The following CNGA3 variants were observed in gnomAD, a reference collection of about 807,000 sequenced individuals.
The protein encoded by CNGA3 is cyclic nucleotide gated channel subunit alpha 3, also known as cyclic nucleotide-gated channel alpha-3.
A neutral mutation model predicts 46.6 loss-of-function variants in CNGA3; 42 were observed. That is an observed-to-expected ratio of 0.90 (90% CI 0.70 to 1.17). The LOEUF is 1.17. Among genes scored for constraint, CNGA3 ranks in the 50% most tolerant of loss-of-function variants. The pLI is 0.00. For synonymous variants in CNGA3, 394 were observed against 369.4 expected, an observed-to-expected ratio of 1.07 and a Z score of -0.76; for missense variants, 893 against 890.7, an observed-to-expected ratio of 1.00 and a Z score of -0.03.
At chr2:98,395,573 CTT>C (rs1158340818) in intron 7 of CNGA3, among the ~76,000 whole-genome samples, 1 of 152,060 alleles carries the variant, frequency 6.6e-6, no homozygotes, top group Non-Finnish European at 1.5e-5. Flanking sequence ...AATAATCATT[CTT>C]TGTTATCATG....
At position 98,397,269 on chromosome 2, in the gene CNGA3, G is replaced by C. The variant is rs1692945116; in HGVS notation, c.*14G>C. 1 of 1,612,594 alleles carries C rather than the reference G, an allele frequency of 6.2e-7. No individual in the cohort carries two copies. Among genetic ancestry groups the C allele is most frequent in the Non-Finnish European group, 8.5e-7 (1 of 1,179,596 alleles). On this transcript the variant is annotated 3_prime_UTR_variant, in exon 8 of 8. Coordinates refer to ENST00000272602, the MANE Select transcript of CNGA3 (RefSeq NM_001298.3). ...AAACAACAGTGAAAATGCAGCATCTGTCTCCTGCTTCACAGGGTCGACTGT... is the reference window on the plus strand; with the variant it reads ...AAACAACAGTGAAAATGCAGCATCTCTCTCCTGCTTCACAGGGTCGACTGT...
rs1009840222 is a variant in CNGA3 at position 98,398,247 on chromosome 2, C to T, written c.*992C>T. On this transcript the variant is annotated 3_prime_UTR_variant, in exon 8 of 8. Transcript: ENST00000272602. The stretch of plus-strand genomic sequence containing the variant: ...TCCCAAGGCAAAGCTTTTGGCTCAC[C>T]GAAAGCTCACAGATTGCAGAAATTA... The T allele has an allele frequency of 5.3e-5, 8 of 152,044 alleles. No individual in the cohort carries two copies. The highest frequency in any genetic ancestry group is 2.1e-4 in the South Asian group (1 of 4,816). 9.4% of individuals were successfully genotyped at this position (152,044 alleles called of 1,614,324 possible).
intron 5 of CNGA3, among the ~76,000 whole-genome samples, chr2:98,386,502 C>A (rs546063695): frequency 6.6e-6 from 1 of 152,370 alleles, no homozygotes; most frequent in South Asian, 2.1e-4. Context: ...TGTGACTTTG[C>A]TCCTCATCTG....
intron 4 of CNGA3, 57 bp downstream of exon 4, chr2:98,380,411 C>T (rs1362509283): frequency 1.9e-6 from 3 of 1,571,636 alleles, no homozygotes; most frequent in Admixed American, 1.9e-5. Flanking sequence ...AGGCAGGAAG[C>T]CTGTGCTTTG....
intron 1 of CNGA3, chr2:98,355,867 C>T (rs572476581): frequency 6.6e-6 from 1 of 152,314 alleles, no homozygotes; most frequent in South Asian, 2.1e-4. Context: ...CCTCTCAGGC[C>T]AGTGCCCTTA....
intron 2 of CNGA3, among the ~76,000 whole-genome samples, chr2:98,374,198 C>T (rs1375261414): frequency 6.6e-6 from 1 of 152,230 alleles, no homozygotes; most frequent in Non-Finnish European, 1.5e-5. Context: ...CCCCTGTCCT[C>T]GCCCAGTCAC....
intron 4 of CNGA3, 84 bp downstream of exon 4, chr2:98,380,438 T>A: frequency 6.6e-7 from 1 of 1,516,474 alleles, no homozygotes; most frequent in Non-Finnish European, 9.0e-7. Flanking sequence ...CCTGTTTGGA[T>A]GCAGCACAGG....
At chr2:98,379,654 G>T (rs1692494379) in intron 3 of CNGA3, among the ~76,000 whole-genome samples, 1 of 152,230 alleles carries the variant, frequency 6.6e-6, no homozygotes, top group Admixed American at 6.5e-5. Context: ...TAAGATAAAA[G>T]CTGGGAAAAG....
At chr2:98,381,862 A>G (rs564582545) in intron 4 of CNGA3, among the ~76,000 whole-genome samples, 11 of 152,216 alleles carry the variant, frequency 7.2e-5, no homozygotes, top group Non-Finnish European at 1.3e-4. Flanking sequence ...GCAGGCAGAT[A>G]AGAAAGAGGA....
intron 1 of CNGA3, among the ~76,000 whole-genome samples, chr2:98,359,125 C>T (rs1246348228): frequency 1.3e-5 from 2 of 152,214 alleles, no homozygotes; most frequent in African/African-American, 4.8e-5. Flanking sequence ...CTGATCGCCA[C>T]TCTGGGCAAC....
intron 1 of CNGA3, among the ~76,000 whole-genome samples, chr2:98,366,645 C>T (rs1261112952): frequency 6.6e-6 from 1 of 152,352 alleles, no homozygotes; most frequent in East Asian, 1.9e-4. Context: ...TGGGTTTAGC[C>T]TAAAGAGGCA....
chr2:98,394,626 GT>G (rs1306830031), intron 7 of CNGA3, among the ~76,000 whole-genome samples: 1 of 152,020 alleles, frequency 6.6e-6, no homozygotes, highest in Non-Finnish European at 1.5e-5. Context: ...CCCTTTTCTT[GT>G]TTGATTTTCC....
Position 98,367,167 on chromosome 2 carries a change from G to GTTTATTTTCCT in CNGA3, c.-37-2769_-37-2768insATTTTCCTTTT, listed in dbSNP as rs751611132. ...TTGGTGAGAACCTCTGACATCAGCT[G>GTTTATTTTCCT]TTTTTTTTCTTTTTTTTCTTTTTTT... On this transcript the variant is annotated intron_variant, in intron 1 of 7. Coordinates refer to ENST00000272602, the MANE Select transcript of CNGA3 (RefSeq NM_001298.3). 1.5e-3 allele frequency among the ~76,000 whole-genome samples: 155 copies of GTTTATTTTCCT among 101,554 alleles called. 4 individuals carry two copies. Among genetic ancestry groups the GTTTATTTTCCT allele is most frequent in the Non-Finnish European group, 2.4e-3 (107 of 45,296 alleles). The allele number at this position is 101,554 out of a possible 152,430, so 66.6% of individuals were successfully genotyped here.
intron 5 of CNGA3, among the ~76,000 whole-genome samples, chr2:98,385,166 T>C (rs184499637): frequency 1.2e-3 from 183 of 152,260 alleles, no homozygotes; most frequent in African/African-American, 4.2e-3. Flanking sequence ...CCAAGGCCCG[T>C]AATCCAGGGC....
chr2:98,394,983 T>C (rs1692873476), intron 7 of CNGA3, among the ~76,000 whole-genome samples: 1 of 152,190 alleles, frequency 6.6e-6, no homozygotes, highest in Non-Finnish European at 1.5e-5. Flanking sequence ...ACCCACCCTT[T>C]CTTTTCTTTC....
rs779710464 is a variant in CNGA3 at position 98,396,833 on chromosome 2, A to T, written c.1663A>T (p.Ile555Phe). 2 of 1,614,082 alleles carry T rather than the reference A, an allele frequency of 1.2e-6. No individual in the cohort carries two copies. The highest frequency in any genetic ancestry group is 1.7e-6 in the Non-Finnish European group (2 of 1,180,054). The change falls in exon 8 of 8, where the codon ATC becomes TTC. Residue 555 changes from isoleucine (I) to phenylalanine (F), a missense_variant. Transcript: ENST00000272602. ...CTTCGGGGAGATCAGCATTCTGAAC[A>T]TCAAGGGGAGCAAGTCGGGGAACCG... Reference protein sequence around the residue: ...SYFGEISILNIKGSKSGNRRT... With the variant: ...SYFGEISILNFKGSKSGNRRT...
chr2:98,378,129 T>A (rs191313207), intron 3 of CNGA3: 1 of 1,550,790 alleles, frequency 6.4e-7, no homozygotes, highest in South Asian at 1.2e-5. Context: ...AGACCTTTGA[T>A]TGGGTGGACA....
intron 2 of CNGA3, among the ~76,000 whole-genome samples, chr2:98,373,438 C>G (rs898764019): frequency 1.3e-5 from 2 of 152,152 alleles, no homozygotes; most frequent in African/African-American, 4.8e-5. Flanking sequence ...GCACTGGAAA[C>G]CTGCGTGTGG....
chr2:98,353,923 C>G (rs1249222623), intron 1 of CNGA3, among the ~76,000 whole-genome samples: 1 of 152,156 alleles, frequency 6.6e-6, no homozygotes, highest in Non-Finnish European at 1.5e-5. Flanking sequence ...TGAGAACTCA[C>G]TCACTGTCAT....
Sources: allele counts gnomAD v4.1 joint callset (sites outside exome capture counted in the v4.1 genomes callset), GRCh38; gene constraint gnomAD v4.1.1; transcripts MANE v1.5; gene names NCBI Gene and HGNC (gene_info 2026-07-23, HGNC 2026-07-21).